Variants in RIMBP2 observed in about 807,000 individuals in gnomAD.
The protein encoded by RIMBP2 is RIMS binding protein 2, also known as RIMS-binding protein 2.
In RIMBP2, 48 loss-of-function variants were observed where a neutral mutation model predicts 118.6. That is an observed-to-expected ratio of 0.40 (90% CI 0.32 to 0.51). The LOEUF is 0.51. Among genes scored for constraint, RIMBP2 ranks in the 20% least tolerant of loss-of-function variants. The pLI is 0.41. For synonymous variants in RIMBP2, 762 were observed against 742.9 expected, an observed-to-expected ratio of 1.03 and a Z score of -0.42; for missense variants, 1,551 against 1,768.3, an observed-to-expected ratio of 0.88 and a Z score of 2.20.
At chr12:130,573,667 T>C (rs2057870168) in intron 2 of RIMBP2, among the ~76,000 whole-genome samples, 2 of 152,112 alleles carry the variant, frequency 1.3e-5, no homozygotes, top group Admixed American at 1.3e-4. Flanking sequence ...TGGCTGTGTC[T>C]GGTCCTCAGT....
At chr12:130,515,024 C>T (rs950979778) in intron 3 of RIMBP2, among the ~76,000 whole-genome samples, 4 of 152,082 alleles carry the variant, frequency 2.6e-5, no homozygotes, top group South Asian at 2.1e-4. Context: ...CTACAGGCAC[C>T]GGCCACCACG....
At chr12:130,631,600 G>A (rs142111251) in intron 1 of RIMBP2, among the ~76,000 whole-genome samples, 206 of 151,868 alleles carry the variant, frequency 1.4e-3, no homozygotes, top group South Asian at 0.011. Flanking sequence ...AAAACTGCCC[G>A]CTCAAAGCCC....
At chr12:130,603,343 T>C (rs2398522) in intron 2 of RIMBP2, among the ~76,000 whole-genome samples, 103,792 of 152,060 alleles carry the variant, frequency 0.68, 35,591 homozygotes, top group South Asian at 0.81. Context: ...GAGCACATCC[T>C]ATAACCCTAC....
chr12:130,488,747 G>A (rs1230122973), intron 4 of RIMBP2, among the ~76,000 whole-genome samples: 1 of 152,038 alleles, frequency 6.6e-6, no homozygotes, highest in Non-Finnish European at 1.5e-5. Flanking sequence ...GCCTCAGGGA[G>A]GATGAGAGAT....
intron 3 of RIMBP2, among the ~76,000 whole-genome samples, chr12:130,515,068 G>A (rs2051306754): frequency 1.3e-5 from 2 of 152,072 alleles, no homozygotes; most frequent in Admixed American, 6.5e-5. Flanking sequence ...AGTAGAGACG[G>A]GGTTTCACCG....
At chr12:130,421,319 C>T (rs898344202) in intron 17 of RIMBP2, among the ~76,000 whole-genome samples, 2 of 152,342 alleles carry the variant, frequency 1.3e-5, no homozygotes, top group African/African-American at 2.4e-5. Flanking sequence ...TCTTTTATTA[C>T]TCAGTTAACT....
chr12:130,442,556 G>A lies in RIMBP2; in HGVS notation c.796C>T (p.Gln266Ter). The change falls in exon 11 of 23, where the codon CAG becomes TAG. Residue 266 changes from glutamine to a stop codon, truncating the protein, a stop_gained. Transcript: ENST00000690449. LOFTEE classifies it high-confidence loss of function. The surrounding 1 kb of genome is among the most constrained non-coding windows in gnomAD (Gnocchi z 6.9). ...ATGCCGGAATGGTTGATGAAGTTCT[G>A]ATCCTGCTCGTTCCCCAGCGTGCTT... ...LASTLGNEQD[Q>*]NFINHSGIGL... is the part of the protein sequence containing the mutation. The A allele has an allele frequency of 6.2e-7, 1 of 1,614,092 alleles. No individual in the cohort carries two copies. Among genetic ancestry groups the A allele is most frequent in the Non-Finnish European group, 8.5e-7 (1 of 1,180,004 alleles).
At chr12:130,532,486 T>A (rs1360149686) in intron 2 of RIMBP2, among the ~76,000 whole-genome samples, 4 of 149,600 alleles carry the variant, frequency 2.7e-5, no homozygotes, top group Admixed American at 2.7e-4. Context: ...AGGAGTTACG[T>A]CTAATGAGAT....
In RIMBP2 at chr12:130,450,181, G is replaced by A. The variant is rs368309878; in HGVS notation, c.581+19C>T. 6.4e-6 allele frequency: 10 copies of A among 1,572,166 alleles called. No individual in the cohort carries two copies. In the African/African-American group the frequency reaches 6.8e-5, roughly 11 times the overall value. ...CCCCACTCACAGGGGCTCGGTGGAC[G>A]CCGAGGGGCCGCACTTACCTATAGC... On this transcript the variant is annotated intron_variant, in intron 9 of 22. Transcript: ENST00000690449. This position sits in a 1 kb window ranked among gnomAD's most constrained non-coding sequence, Gnocchi z 4.8.
In RIMBP2 at chr12:130,695,889, G is replaced by A. The variant is rs186647618; in HGVS notation, c.-352+20333C>T. Among the ~76,000 whole-genome samples the A allele has an allele frequency of 1.9e-3, 289 of 152,072 alleles. 4 individuals carry two copies. Among genetic ancestry groups the A allele is most frequent in the Admixed American group, 0.016 (249 of 15,246 alleles). On this transcript the variant is annotated intron_variant, in intron 1 of 22. Coordinates refer to ENST00000690449, the MANE Select transcript of RIMBP2 (RefSeq NM_001393629.1). Reference sequence around the variant, plus strand: ...GATATGGGCTTGAAGAGGAGTCATGGTTGATCCCAAGGCTTTATACTGCAG... The same window carrying A: ...GATATGGGCTTGAAGAGGAGTCATGATTGATCCCAAGGCTTTATACTGCAG...
chr12:130,449,856 C>T (rs759466311), intron 9 of RIMBP2, among the ~76,000 whole-genome samples: 8 of 152,132 alleles, frequency 5.3e-5, no homozygotes, highest in South Asian at 4.2e-4. Context: ...CCTGGTCTCC[C>T]GGCAGCCAGA....
chr12:130,402,457 C>CCT (rs987313868), intron 21 of RIMBP2, among the ~76,000 whole-genome samples: 51 of 152,242 alleles, frequency 3.3e-4, no homozygotes, highest in African/African-American at 1.2e-3. Context: ...ATGTTTCCTG[C>CCT]CTGGAGGGTT....
At chr12:130,598,000 A>C (rs1487113403) in intron 2 of RIMBP2, among the ~76,000 whole-genome samples, 1 of 152,252 alleles carries the variant, frequency 6.6e-6, no homozygotes, top group African/African-American at 2.4e-5. Context: ...CAACAGAATT[A>C]ACAAAAGAGC....
chr12:130,596,044 A>G (rs2059539085), intron 2 of RIMBP2, among the ~76,000 whole-genome samples: 3 of 152,172 alleles, frequency 2.0e-5, no homozygotes, highest in Admixed American at 2.0e-4. Flanking sequence ...AGTAACCAAC[A>G]CAGATGTTGC....
chr12:130,599,443 T>C (rs986123952), intron 2 of RIMBP2, among the ~76,000 whole-genome samples: 6 of 152,196 alleles, frequency 3.9e-5, no homozygotes, highest in Non-Finnish European at 5.9e-5. Context: ...ATTAAACTAA[T>C]GGGCAAAATG....
Position 130,595,570 on chromosome 12 carries a change from T to C in RIMBP2, c.-217+32752A>G, listed in dbSNP as rs144640601. The stretch of plus-strand genomic sequence containing the variant: ...GTCTCAAAAATAATAATAATAATAA[T>C]AAAATAAAAATAAAAATAAAAAACT... On this transcript the variant is annotated intron_variant, in intron 2 of 22. Transcript: ENST00000690449. 9.2e-5 allele frequency among the ~76,000 whole-genome samples: 14 copies of C among 151,626 alleles called. No individual in the cohort carries two copies. The East Asian group carries it at 2.7e-3, about 29-fold the overall frequency.
At chr12:130,602,570 C>T (rs533655035) in intron 2 of RIMBP2, among the ~76,000 whole-genome samples, 1 of 152,344 alleles carries the variant, frequency 6.6e-6, no homozygotes, top group South Asian at 2.1e-4. Flanking sequence ...TGGGATGGCT[C>T]CCGCCTTGTG....
At chr12:130,595,950 CATG>C (rs985975851) in intron 2 of RIMBP2, among the ~76,000 whole-genome samples, 6 of 152,198 alleles carry the variant, frequency 3.9e-5, no homozygotes, top group African/African-American at 1.2e-4. Flanking sequence ...GCACTGATAC[CATG>C]ATACCTCCTC....
chr12:130,579,719 C>G (rs1407159024), intron 2 of RIMBP2, among the ~76,000 whole-genome samples: 1 of 152,024 alleles, frequency 6.6e-6, no homozygotes, highest in East Asian at 1.9e-4. Flanking sequence ...GTACTAAGGC[C>G]TCACACTCGT....
Sources: allele counts gnomAD v4.1 joint callset (sites outside exome capture counted in the v4.1 genomes callset), GRCh38; gene constraint gnomAD v4.1.1; non-coding constraint Gnocchi (gnomAD v3.1); transcripts MANE v1.5; gene names NCBI Gene and HGNC (gene_info 2026-07-23, HGNC 2026-07-21).